MAML3: variants seen among roughly 807,000 people sequenced by gnomAD.
The protein encoded by MAML3 is mastermind like transcriptional coactivator 3.
Under a neutral mutation model 101.9 loss-of-function variants are expected in MAML3, and 27 were observed. That is an observed-to-expected ratio of 0.27 (90% CI 0.20 to 0.37). The LOEUF is 0.37. Ranked by LOEUF, MAML3 falls within the 10% of genes least tolerant of loss-of-function variation. The pLI, the probability that MAML3 is intolerant of heterozygous loss-of-function variation, is 1.00. For missense variants in MAML3, 1,316 were observed against 1,444.9 expected, an observed-to-expected ratio of 0.91 and a Z score of 1.45; for synonymous variants, 501 against 555.9, an observed-to-expected ratio of 0.90 and a Z score of 1.39.
At chr4:139,755,427 T>A (rs1578584963) in intron 2 of MAML3, among the ~76,000 whole-genome samples, 1 of 152,012 alleles carries the variant, frequency 6.6e-6, no homozygotes, top group East Asian at 1.9e-4. Context: ...GCTAATACGG[T>A]GAAACCCCGT....
intron 1 of MAML3, among the ~76,000 whole-genome samples, chr4:139,914,688 G>A (rs918496004): frequency 9.2e-5 from 14 of 152,128 alleles, no homozygotes; most frequent in African/African-American, 2.9e-4. Context: ...GAAATTCAAC[G>A]TTAATTGGGA....
chr4:140,064,084 C>T (rs984140704), intron 1 of MAML3, among the ~76,000 whole-genome samples: 4 of 152,176 alleles, frequency 2.6e-5, no homozygotes, highest in South Asian at 4.1e-4. Flanking sequence ...TTTCTTACAT[C>T]GTCCCCACTT....
chr4:140,088,012 T>C (rs985343702), intron 1 of MAML3, among the ~76,000 whole-genome samples: 9 of 152,210 alleles, frequency 5.9e-5, no homozygotes, highest in African/African-American at 1.9e-4. Context: ...GAGGATTGTT[T>C]GAGACCAGGA....
At chr4:139,893,345 A>G (rs1357378205) in intron 1 of MAML3, among the ~76,000 whole-genome samples, 1 of 152,122 alleles carries the variant, frequency 6.6e-6, no homozygotes, top group Non-Finnish European at 1.5e-5. Flanking sequence ...TTCCTTGACC[A>G]ACTATACTAG....
At chr4:139,800,215 CGTT>C (rs994446458) in intron 2 of MAML3, among the ~76,000 whole-genome samples, 1 of 151,958 alleles carries the variant, frequency 6.6e-6, no homozygotes, top group Admixed American at 6.6e-5. Flanking sequence ...CCCTGGTAAA[CGTT>C]GATGAATGCA....
At chr4:139,962,708 T>C (rs1734042047) in intron 1 of MAML3, among the ~76,000 whole-genome samples, 1 of 152,174 alleles carries the variant, frequency 6.6e-6, no homozygotes, top group Non-Finnish European at 1.5e-5. Flanking sequence ...CTTTAATTTT[T>C]AAAAACCAAG....
intron 1 of MAML3, among the ~76,000 whole-genome samples, chr4:139,962,898 T>C (rs1392136906): frequency 6.6e-6 from 1 of 152,080 alleles, no homozygotes; most frequent in East Asian, 1.9e-4. Flanking sequence ...GTGCTTCTTT[T>C]TTTTACCACT....
intron 2 of MAML3, among the ~76,000 whole-genome samples, chr4:139,771,597 T>C (rs1729981731): frequency 6.6e-6 from 1 of 152,214 alleles, no homozygotes; most frequent in African/African-American, 2.4e-5. Context: ...AGTTCACTAG[T>C]TTATACACTG....
intron 1 of MAML3, among the ~76,000 whole-genome samples, chr4:139,975,633 GC>G (rs1734325093): frequency 1.3e-5 from 2 of 152,278 alleles, no homozygotes; most frequent in Admixed American, 1.3e-4. Flanking sequence ...TTTATTCACT[GC>G]TGTATGTCTC....
At chr4:139,822,856 T>C (rs1205302836) in intron 2 of MAML3, among the ~76,000 whole-genome samples, 2 of 152,246 alleles carry the variant, frequency 1.3e-5, no homozygotes, top group African/African-American at 4.8e-5. Context: ...GTTTTTACCA[T>C]GCTACATGAA....
At position 139,907,334 on chromosome 4, in the gene MAML3, T is replaced by A. The variant is rs562504851; in HGVS notation, c.469-16367A>T. Among the ~76,000 whole-genome samples the A allele has an allele frequency of 5.9e-5, 9 of 152,074 alleles. No individual in the cohort carries two copies. The South Asian group carries it at 1.9e-3, about 32-fold the overall frequency. The stretch of plus-strand genomic sequence containing the variant: ...CCAAGGTTTGTTCCAGCTCTAAGAG[T>A]CCCTATTTGGACTCTGGATACAAAT... On this transcript the variant is annotated intron_variant, in intron 1 of 4. Coordinates refer to ENST00000509479, the MANE Select transcript of MAML3 (RefSeq NM_018717.5).
intron 1 of MAML3, among the ~76,000 whole-genome samples, chr4:140,146,324 A>G (rs988056357): frequency 6.6e-6 from 1 of 152,022 alleles, no homozygotes; most frequent in African/African-American, 2.4e-5. Context: ...GAACTCAAAA[A>G]CCCCTCCACT....
chr4:139,949,342 T>A (rs913731395), intron 1 of MAML3, among the ~76,000 whole-genome samples: 2 of 152,184 alleles, frequency 1.3e-5, no homozygotes, highest in African/African-American at 4.8e-5. Flanking sequence ...AGTCTCAGAC[T>A]CTTATCATAA....
At chr4:139,963,155 ATCCCTGTAG>A (rs901763572) in intron 1 of MAML3, among the ~76,000 whole-genome samples, 20 of 152,202 alleles carry the variant, frequency 1.3e-4, no homozygotes, top group African/African-American at 3.4e-4. Flanking sequence ...GCAGTGGATC[ATCCCTGTAG>A]TCCCAGCTAT....
chr4:139,802,511 T>C (rs1457709123), intron 2 of MAML3, among the ~76,000 whole-genome samples: 1 of 152,204 alleles, frequency 6.6e-6, no homozygotes, highest in Non-Finnish European at 1.5e-5. Flanking sequence ...AATACTTCTC[T>C]ATATTTTCCT....
intron 1 of MAML3, among the ~76,000 whole-genome samples, chr4:139,978,611 CA>C (rs71584346): frequency 2.5e-5 from 3 of 122,252 alleles, no homozygotes; most frequent in African/African-American, 5.7e-5. Context: ...TCAACCACAT[CA>C]AAAAAAAAGA....
rs79981056 is a variant in MAML3 at position 140,133,191 on chromosome 4, T to A, written c.468+19669A>T. ...AAAAGAAAAAAAAGAGAGTTTACTT[T>A]AAAAGTCCTATTTGTGTAACTTAAA... is the stretch of plus-strand genomic sequence containing the variant. On this transcript the variant is annotated intron_variant, in intron 1 of 4. Transcript: ENST00000509479. 1,327 of 389,926 alleles carry A rather than the reference T, an allele frequency of 3.4e-3. 17 individuals are homozygous for A. Among genetic ancestry groups the A allele is most frequent in the African/African-American group, 0.026 (1,234 of 47,364 alleles). The allele number at this position is 389,926 out of a possible 1,614,324, so 24.2% of individuals were successfully genotyped here.
intron 2 of MAML3, among the ~76,000 whole-genome samples, chr4:139,843,017 G>T (rs1238970779): frequency 6.6e-6 from 1 of 151,888 alleles, no homozygotes; most frequent in Non-Finnish European, 1.5e-5. Flanking sequence ...CTGACTTCAG[G>T]TGATCCGCCT....
intron 1 of MAML3, among the ~76,000 whole-genome samples, chr4:140,005,039 G>C (rs1004283685): frequency 1.3e-5 from 2 of 152,156 alleles, no homozygotes; most frequent in Non-Finnish European, 2.9e-5. Flanking sequence ...AAAAAACACA[G>C]GTAGAAAACA....
Sources: allele counts gnomAD v4.1 joint callset (sites outside exome capture counted in the v4.1 genomes callset), GRCh38; gene constraint gnomAD v4.1.1; transcripts MANE v1.5; gene names NCBI Gene and HGNC (gene_info 2026-07-23, HGNC 2026-07-21).